Variants in TBC1D1 observed in about 807,000 individuals in gnomAD.
TBC1D1 encodes the protein TBC1 (tre-2/USP6, BUB2, cdc16) domain family, member 1.
TBC1D1 carries 89 observed loss-of-function variants against 125.6 expected under a neutral mutation model. That is an observed-to-expected ratio of 0.71 (90% CI 0.60 to 0.85). The LOEUF is 0.85. Among genes scored for constraint, TBC1D1 ranks in the 40% least tolerant of loss-of-function variants. The pLI is 0.00. For missense variants in TBC1D1, 1,377 were observed against 1,469.2 expected, an observed-to-expected ratio of 0.94 and a Z score of 1.03; for synonymous variants, 565 against 564.1, an observed-to-expected ratio of 1.00 and a Z score of -0.02.
intron 12 of TBC1D1, among the ~76,000 whole-genome samples, chr4:38,063,424 GC>G (rs1753116836): frequency 6.6e-6 from 1 of 152,060 alleles, no homozygotes; most frequent in African/African-American, 2.4e-5. Context: ...TAAACAGGCA[GC>G]CCTGCAAGGG....
chr4:37,910,099 T>C (rs1718269108), intron 2 of TBC1D1, among the ~76,000 whole-genome samples: 2 of 152,240 alleles, frequency 1.3e-5, no homozygotes, highest in African/African-American at 4.8e-5. Context: ...AGATGCTTAA[T>C]TTTTTAAAGT....
intron 2 of TBC1D1, chr4:37,952,206 G>T (rs4832971): frequency 0.69 from 435,589 of 630,896 alleles, 152,537 homozygotes; most frequent in East Asian, 0.96. Context: ...ACACGCGCTT[G>T]GAAGTTTTGT....
chr4:38,020,368 C>T (rs929170726), intron 4 of TBC1D1, among the ~76,000 whole-genome samples: 3 of 152,118 alleles, frequency 2.0e-5, no homozygotes, highest in Non-Finnish European at 4.4e-5. Context: ...ATCCCAGCTA[C>T]TCAGGAGGCT....
At chr4:38,092,464 C>T (rs1055635885) in intron 13 of TBC1D1, among the ~76,000 whole-genome samples, 5 of 152,064 alleles carry the variant, frequency 3.3e-5, no homozygotes, top group Non-Finnish European at 7.4e-5. Context: ...GGCACAGTGG[C>T]TCACTCCTGT....
intron 12 of TBC1D1, among the ~76,000 whole-genome samples, chr4:38,082,507 A>G (rs1334792991): frequency 1.3e-5 from 2 of 152,252 alleles, no homozygotes; most frequent in African/African-American, 4.8e-5. Context: ...TCTTTAATCA[A>G]GAACTGAGAG....
At chr4:38,034,384 G>C (rs1198361904) in intron 7 of TBC1D1, among the ~76,000 whole-genome samples, 1 of 152,226 alleles carries the variant, frequency 6.6e-6, no homozygotes, top group African/African-American at 2.4e-5. Context: ...AAATTTGAAA[G>C]AACAGGAAGG....
chr4:37,942,820 G>A (rs1383190478), intron 2 of TBC1D1, among the ~76,000 whole-genome samples: 3 of 152,160 alleles, frequency 2.0e-5, no homozygotes, highest in Non-Finnish European at 2.9e-5. Flanking sequence ...GATTACAGGC[G>A]TGAGCCACCG....
At chr4:37,985,102 G>A (rs1328893469) in intron 2 of TBC1D1, among the ~76,000 whole-genome samples, 1 of 151,726 alleles carries the variant, frequency 6.6e-6, no homozygotes, top group Non-Finnish European at 1.5e-5. Flanking sequence ...ACAGGCACGC[G>A]CCACCATGCC....
intron 7 of TBC1D1, among the ~76,000 whole-genome samples, chr4:38,029,372 T>C (rs924029652): frequency 2.0e-5 from 3 of 152,064 alleles, no homozygotes; most frequent in African/African-American, 7.2e-5. Flanking sequence ...CTCTCTCTCT[T>C]TGTTGTTTTT....
intron 19 of TBC1D1, among the ~76,000 whole-genome samples, chr4:38,133,842 G>T (rs921628359): frequency 1.3e-5 from 2 of 152,146 alleles, no homozygotes; most frequent in Non-Finnish European, 2.9e-5. Flanking sequence ...CACGCAGGAG[G>T]GTGTGCAGAG....
intron 1 of TBC1D1, among the ~76,000 whole-genome samples, chr4:37,899,056 G>T (rs1229737588): frequency 3.3e-5 from 5 of 152,156 alleles, no homozygotes; most frequent in African/African-American, 4.8e-5. Context: ...TTTAGCAGGG[G>T]TGTGATATGA....
chr4:38,095,909 T>A lies in TBC1D1; in HGVS notation c.2237-20T>A. 1 of 1,603,602 alleles carries A rather than the reference T, an allele frequency of 6.2e-7. No individual in the cohort carries two copies. The highest frequency in any genetic ancestry group is 8.5e-7 in the Non-Finnish European group (1 of 1,175,634). On this transcript the variant is annotated intron_variant, in intron 13 of 19. Coordinates refer to ENST00000261439, the MANE Select transcript of TBC1D1 (RefSeq NM_015173.4). ...ATAGCTGTAGCCTTTACTAATGCGC[T>A]CTGGAATGGTCTATTCCAGCCTCTG...
chr4:38,069,880 G>GT (rs1283805390), intron 12 of TBC1D1, among the ~76,000 whole-genome samples: 2 of 142,790 alleles, frequency 1.4e-5, no homozygotes, highest in Non-Finnish European at 3.1e-5. Flanking sequence ...GTTTTGTTTT[G>GT]TTTTTTTACA....
intron 2 of TBC1D1, among the ~76,000 whole-genome samples, chr4:38,006,053 CAG>C (rs753612274): frequency 3.3e-5 from 5 of 152,070 alleles, no homozygotes; most frequent in Non-Finnish European, 7.3e-5. Context: ...TAGCAGGGAG[CAG>C]AGAGGGCATG....
chr4:38,042,481 C>G (rs1336524932), intron 8 of TBC1D1, among the ~76,000 whole-genome samples: 2 of 152,120 alleles, frequency 1.3e-5, no homozygotes, highest in African/African-American at 4.8e-5. Flanking sequence ...TCTCGAACTC[C>G]TGACCTCAAG....
intron 15 of TBC1D1, among the ~76,000 whole-genome samples, chr4:38,104,101 A>G (rs1760844833): frequency 6.9e-6 from 1 of 144,044 alleles, no homozygotes; most frequent in South Asian, 2.3e-4. Flanking sequence ...CGGAGCTTGC[A>G]GTGAGCCAAG....
chr4:37,920,083 G>C (rs552407109), intron 2 of TBC1D1, among the ~76,000 whole-genome samples: 1 of 152,172 alleles, frequency 6.6e-6, no homozygotes, highest in Non-Finnish European at 1.5e-5. Flanking sequence ...ACTGCACTCC[G>C]GCCTGTGCCA....
rs913636485 is a variant in TBC1D1, at chr4:38,082,952, G to A, written c.2051-6980G>A. ...AGGGAGTGGGGATAAAGATCTGCAG[G>A]CCTCTTGCTCCTGGTCCTTGTTTCT... On this transcript the variant is annotated intron_variant, in intron 12 of 19. Transcript: ENST00000261439. Among the ~76,000 whole-genome samples, 6 of 152,174 alleles carry A rather than the reference G, an allele frequency of 3.9e-5. 1 individual carries two copies. The East Asian group carries it at 1.2e-3, about 29-fold the overall frequency.
chr4:38,068,302 G>C (rs1754086936), intron 12 of TBC1D1, among the ~76,000 whole-genome samples: 1 of 150,824 alleles, frequency 6.6e-6, no homozygotes, highest in Middle Eastern at 3.4e-3. Context: ...GATTCTGCCT[G>C]TGTGGAATGT....
Sources: allele counts gnomAD v4.1 joint callset (sites outside exome capture counted in the v4.1 genomes callset), GRCh38; gene constraint gnomAD v4.1.1; transcripts MANE v1.5; gene names NCBI Gene and HGNC (gene_info 2026-07-23, HGNC 2026-07-21).